Variants in CDK11A observed in about 807,000 individuals in gnomAD.
CDK11A encodes cyclin-dependent kinase 11A.
CDK11A carries 55 observed loss-of-function variants against 83.6 expected under a neutral mutation model. That is an observed-to-expected ratio of 0.66 (90% CI 0.53 to 0.82). The LOEUF (loss-of-function observed/expected upper bound fraction) is 0.82. CDK11A is among the 40% of genes least tolerant of loss of function. CDK11A has a pLI of 0.00. For missense variants in CDK11A, 564 were observed against 810.1 expected (o/e 0.70, Z 3.69); for synonymous variants, 247 against 302.7 (o/e 0.82, Z 1.91).
At chr1:1,715,714 T>G (rs1213072313) in intron 5 of CDK11A, among the ~76,000 whole-genome samples, 1 of 151,284 alleles carries the variant, frequency 6.6e-6, no homozygotes. Flanking sequence ...TGGAGCAGCT[T>G]GCAAGCTTTC....
At position 1,708,094 on chromosome 1, in the gene CDK11A, G is replaced by A. The variant is rs934504584; in HGVS notation, c.1069+86C>T. 3.1e-5 allele frequency: 50 copies of A among 1,590,726 alleles called. No homozygotes were observed. In the South Asian group the frequency reaches 3.4e-4, roughly 11 times the overall value. On this transcript the variant is annotated intron_variant, in intron 10 of 19. Coordinates refer to ENST00000404249, the MANE Select transcript of CDK11A (RefSeq NM_024011.4). ...CCTCCCAGACCCTGGCGTGCCCCAC[G>A]CCGCGCAGGACCGGCTGTCTTAGGA...
chr1:1,721,917 C>T (rs549110175), intron 2 of CDK11A: 31 of 584,364 alleles, frequency 5.3e-5, no homozygotes, highest in African/African-American at 1.1e-4. Flanking sequence ...TTTGGGAGGC[C>T]GAGGCGGGTG....
At chr1:1,716,569 T>C in intron 4 of CDK11A, 91 bp from the exon 5 acceptor site, 1 of 1,385,272 alleles carries the variant, frequency 7.2e-7, no homozygotes. Flanking sequence ...ATCCCAGCAC[T>C]TTGGGAGGCC....
rs543780604 is a variant in CDK11A at position 1,704,884 on chromosome 1, C to A, written c.1458+20G>T. The stretch of plus-strand genomic sequence containing the variant: ...GAAAAGCCTTCCACCCGGGGCCAGG[C>A]GTGGTGGGGCCATGCTCACTCTAAC... On this transcript the variant is annotated intron_variant, in intron 13 of 19. Transcript: ENST00000404249. The A allele has an allele frequency of 1.2e-6, 2 of 1,606,288 alleles. No homozygotes were observed. Among genetic ancestry groups the A allele is most frequent in the South Asian group, 2.2e-5 (2 of 90,274 alleles).
chr1:1,720,959 G>A (rs929924665), intron 3 of CDK11A, among the ~76,000 whole-genome samples: 1 of 150,568 alleles, frequency 6.6e-6, no homozygotes, highest in East Asian at 2.0e-4. Context: ...ATCCTAGGTC[G>A]TGGCTCGCAC....
At position 1,717,799 on chromosome 1, in the gene CDK11A, T is replaced by C. The variant is rs927670962; in HGVS notation, c.356-1321A>G. On this transcript the variant is annotated intron_variant, in intron 4 of 19. Transcript: ENST00000404249. ...AGAGTTTGCTCTCTCTGGTTTTCGG[T>C]CTGTGACACACGCACGCTTTCAGCT... 4.0e-5 allele frequency among the ~76,000 whole-genome samples: 6 copies of C among 150,176 alleles called. 1 individual carries two copies.
At position 1,703,910 on chromosome 1, in the gene CDK11A, C is replaced by T; in HGVS notation, c.1825G>A (p.Val609Met). The change falls in exon 17 of 20, where the codon GTG becomes ATG. Residue 609 changes from valine to methionine, a missense_variant. Coordinates refer to ENST00000404249, the MANE Select transcript of CDK11A (RefSeq NM_024011.4). ...AGCAGCTCCCCGAAGATGCAGCCCA[C>T]TGACCACATGTCCACGGCCGTGGAG... ...EYSTAVDMWS[V>M]GCIFGELLTQ... The T allele has an allele frequency of 1.2e-6, 2 of 1,609,786 alleles. No homozygotes were observed. The highest frequency in any genetic ancestry group is 3.3e-5 in the Admixed American group (2 of 59,836).
intron 11 of CDK11A, among the ~76,000 whole-genome samples, chr1:1,706,137 A>G (rs983383647): frequency 1.3e-5 from 2 of 148,714 alleles, no homozygotes; most frequent in African/African-American, 5.0e-5. Flanking sequence ...CAATGGTGAG[A>G]TCTCGGCTCA....
rs772118548 is a variant in CDK11A at position 1,716,495 on chromosome 1, T to C, written c.356-17A>G. Reference sequence around the variant, plus strand: ...CATGCTTCCCTAATGAGAAATAAAGTGTCATGCAAAGAAACCTCACTTCAA... The same window carrying C: ...CATGCTTCCCTAATGAGAAATAAAGCGTCATGCAAAGAAACCTCACTTCAA... On this transcript the variant is annotated splice_polypyrimidine_tract_variant and intron_variant, in intron 4 of 19. Coordinates refer to ENST00000404249, the MANE Select transcript of CDK11A (RefSeq NM_024011.4). The C allele has an allele frequency of 2.5e-6, 4 of 1,604,568 alleles. No homozygotes were observed. The highest frequency in any genetic ancestry group is 2.6e-6 in the Non-Finnish European group (3 of 1,174,298).
At position 1,723,235 on chromosome 1, in the gene CDK11A, TAAA is replaced by T. The variant is rs1164936993; in HGVS notation, c.-13-407_-13-405del. Among the ~76,000 whole-genome samples, 9 of 49,318 alleles carry T rather than the reference TAAA, an allele frequency of 1.8e-4. 2 individuals carry two copies. Among genetic ancestry groups the T allele is most frequent in the African/African-American group, 6.5e-4 (9 of 13,932 alleles). 32.4% of individuals were successfully genotyped at this position (49,318 alleles called of 152,430 possible). A position where few individuals can be genotyped will look rare whatever the true frequency, so the allele number is the denominator to read the frequency against. ...CCTAGATAACAAAGTAAGACTTGGT[TAAA>T]AAAAAAAAAAAAAAAAGGTAAGCTC... On this transcript the variant is annotated intron_variant, in intron 1 of 19. Coordinates refer to ENST00000404249, the MANE Select transcript of CDK11A (RefSeq NM_024011.4).
intron 4 of CDK11A, among the ~76,000 whole-genome samples, chr1:1,717,873 CT>C: frequency 6.7e-6 from 1 of 150,200 alleles, no homozygotes; most frequent in East Asian, 2.0e-4. Context: ...CACACGCATG[CT>C]TTCAGCTAGA....
In CDK11A at chr1:1,713,284, C is replaced by T. The variant is rs537029834; in HGVS notation, c.489-884G>A. ...TATGACAGCTGATGTTTGTACGCTG[C>T]GTCTTTTCCTGTTCTCTAGCAGACA... is the stretch of plus-strand genomic sequence containing the variant. On this transcript the variant is annotated intron_variant, in intron 5 of 19. Transcript: ENST00000404249. Among the ~76,000 whole-genome samples, 12 of 47,268 alleles carry T rather than the reference C, an allele frequency of 2.5e-4. 1 individual carries two copies. Among genetic ancestry groups the T allele is most frequent in the South Asian group, 5.5e-4 (1 of 1,828 alleles). The allele number at this position is 47,268 out of a possible 152,430, so 31.0% of individuals were successfully genotyped here.
chr1:1,722,864 G>C (rs1331738366), intron 1 of CDK11A, 33 bp from the exon 2 acceptor site: 3 of 926,560 alleles, frequency 3.2e-6, no homozygotes, highest in African/African-American at 4.9e-5. Context: ...GCCTACATCA[G>C]GACACAGCAA....
At chr1:1,719,735 G>A (rs1394477772) in intron 3 of CDK11A, among the ~76,000 whole-genome samples, 1 of 149,194 alleles carries the variant, frequency 6.7e-6, no homozygotes. Flanking sequence ...TCCTGCCTCA[G>A]CCTCCGGAGT....
rs1458571117 is a variant in CDK11A at position 1,702,824 on chromosome 1, C to T, written c.*83G>A. 1.5e-5 allele frequency: 5 copies of T among 344,738 alleles called. No homozygotes were observed. The highest frequency in any genetic ancestry group is 1.0e-4 in the South Asian group (3 of 28,692). 21.4% of individuals were successfully genotyped at this position (344,738 alleles called of 1,614,324 possible). ...GAGCACAAAGTAAGACGAGGAGTTC[C>T]GAGTCTCATCGCAGCTCCAGCCGCA... is the stretch of plus-strand genomic sequence containing the variant. On this transcript the variant is annotated 3_prime_UTR_variant, in exon 20 of 20. Transcript: ENST00000404249.
At chr1:1,703,742 A>C in intron 17 of CDK11A, 82 bp downstream of exon 17, 1 of 1,567,952 alleles carries the variant, frequency 6.4e-7, no homozygotes, top group Non-Finnish European at 8.7e-7. Flanking sequence ...CCCCATCTCA[A>C]CCCAGCACCT....
rs55888909 is a variant in CDK11A at position 1,703,947 on chromosome 1, C to T, written c.1795-7G>A. On this transcript the variant is annotated splice_polypyrimidine_tract_variant and splice_region_variant and intron_variant, in intron 16 of 19. Transcript: ENST00000404249. ...CCACGGCCGTGGAGTATTCCTAAGA[C>T]GCCAGGAGAGGTGTTCAGGAAGGCC... 3.2e-5 allele frequency: 52 copies of T among 1,609,284 alleles called. No individual in the cohort carries two copies. In the Admixed American group the frequency reaches 3.3e-4, roughly 10 times the overall value.
Position 1,716,440 on chromosome 1 carries a change from G to T in CDK11A, c.394C>A (p.Arg132=), listed in dbSNP as rs760387372. The T allele has an allele frequency of 1.2e-6, 2 of 1,608,442 alleles. No homozygotes were observed. The highest frequency in any genetic ancestry group is 2.2e-5 in the South Asian group (2 of 90,732). The change falls in exon 5 of 20, where the codon CGG becomes AGG. Residue 132 remains arginine (R), a synonymous_variant. Transcript: ENST00000404249. ...TCCTGTTCTTCTCGATGTCGTTTCC[G>T]ACGTTCGTGCTCTCTTTCTTTCACT... ...ARVKEREHER[R]KRHREEQDKA...
At chr1:1,714,693 G>A (rs1250266222) in intron 5 of CDK11A, among the ~76,000 whole-genome samples, 2 of 131,902 alleles carry the variant, frequency 1.5e-5, no homozygotes, top group African/African-American at 5.3e-5. Context: ...CAAATACCTC[G>A]AGCACAGTAA....
Sources: allele counts gnomAD v4.1 joint callset (sites outside exome capture counted in the v4.1 genomes callset), GRCh38; gene constraint gnomAD v4.1.1; transcripts MANE v1.5; gene names NCBI Gene and HGNC (gene_info 2026-07-23, HGNC 2026-07-21).